The following CASP2 variants were observed in gnomAD, a reference collection of about 807,000 sequenced individuals.
The protein encoded by CASP2 is caspase 2, also known as caspase-2.
In CASP2, 38 loss-of-function variants were observed where a neutral mutation model predicts 54.4. That is an observed-to-expected ratio of 0.70 (90% CI 0.54 to 0.92). The LOEUF is 0.92. CASP2 is among the 40% of genes least tolerant of loss of function. The pLI, the probability that CASP2 is intolerant of heterozygous loss-of-function variation, is 0.00. For synonymous variants in CASP2, 215 were observed against 216.3 expected (o/e 0.99, Z 0.05); for missense variants, 512 against 579.6 (o/e 0.88, Z 1.20).
chr7:143,303,877 C>T lies in CASP2; in HGVS notation c.1061C>T (p.Pro354Leu), dbSNP rs145217184. ...EESDAGKEKL[P>L]KMRLPTRSDM... is the part of the protein sequence containing the mutation. ...AGTGATGCCGGTAAAGAAAAGTTGCCGAAGATGAGACTGCCCACGCGCTCA... is the reference window on the plus strand; with the variant it reads ...AGTGATGCCGGTAAAGAAAAGTTGCTGAAGATGAGACTGCCCACGCGCTCA... The change falls in exon 9 of 11, where the codon CCG becomes CTG. Residue 354 changes from proline to leucine, a missense_variant. Around this residue, in one of 3 missense-constraint regions of CASP2, gnomAD observed 417 missense variants for 495.4 expected, o/e 0.84. Coordinates refer to ENST00000310447, the MANE Select transcript of CASP2 (RefSeq NM_032982.4). 60 of 1,613,134 alleles carry T rather than the reference C, an allele frequency of 3.7e-5. No homozygotes were observed. Among genetic ancestry groups the T allele is most frequent in the Middle Eastern group, 1.6e-4 (1 of 6,082 alleles).
Position 143,305,164 on chromosome 7 carries a change from C to G in CASP2, c.*93C>G. On this transcript the variant is annotated 3_prime_UTR_variant, in exon 11 of 11. Coordinates refer to ENST00000310447, the MANE Select transcript of CASP2 (RefSeq NM_032982.4). ...ATCTTCAGGATGCACGGTTTCTGTT[C>G]TGCCCCCTCAGGGATGTGGGAATCT... 6.6e-7 allele frequency: 1 copy of G among 1,510,898 alleles called. No homozygotes were observed. The allele number at this position is 1,510,898 out of a possible 1,614,324, so 93.6% of individuals were successfully genotyped here.
intron 6 of CASP2, 38 bp from the exon 7 acceptor site, chr7:143,299,885 G>A (rs1055400752): frequency 1.2e-6 from 2 of 1,613,296 alleles, no homozygotes; most frequent in Admixed American, 3.3e-5. Flanking sequence ...TGTTGGTGCT[G>A]ACCTTAGTGC....
At chr7:143,297,740 C>G (rs1801798662) in intron 6 of CASP2, among the ~76,000 whole-genome samples, 1 of 152,244 alleles carries the variant, frequency 6.6e-6, no homozygotes, top group Non-Finnish European at 1.5e-5. Context: ...AGCCACCGCG[C>G]CCGGCCTTTG....
intron 8 of CASP2, chr7:143,303,314 A>G (rs1801972400): frequency 6.3e-6 from 1 of 158,476 alleles, no homozygotes; most frequent in Non-Finnish European, 1.4e-5. Context: ...TATAGCATAC[A>G]TATGGTAACC....
chr7:143,305,325 G>T lies in CASP2; in HGVS notation c.*254G>T, dbSNP rs892963891. On this transcript the variant is annotated 3_prime_UTR_variant, in exon 11 of 11. Transcript: ENST00000310447. ...TGCCAGGAATGTTTCAGCTGCAGTT[G>T]AAGAGCCTGACAAGTGAAGTTGTAA... 5.3e-6 allele frequency: 3 copies of T among 569,230 alleles called. No individual in the cohort carries two copies. Among genetic ancestry groups the T allele is most frequent in the Non-Finnish European group, 9.5e-6 (3 of 315,762 alleles). The allele number at this position is 569,230 out of a possible 1,614,324, so 35.3% of individuals were successfully genotyped here. A position where few individuals can be genotyped will look rare whatever the true frequency, so the allele number is the denominator to read the frequency against.
At chr7:143,304,039 C>G in intron 9 of CASP2, 106 bp downstream of exon 9, 1 of 1,135,958 alleles carries the variant, frequency 8.8e-7, no homozygotes. Flanking sequence ...AGTGTTGGAA[C>G]CAGAAGTGTT....
chr7:143,288,389 A>T lies in CASP2; in HGVS notation c.-67A>T, dbSNP rs534350622. ...GCGTCTGAGGGGAGGGATGTGGGGG[A>T]AGCGACGGCCCCCGGTTTGTTTGGG... On this transcript the variant is annotated 5_prime_UTR_variant, in exon 1 of 11. The change creates a premature stop within an existing upstream ORF in the 5' untranslated region. Coordinates refer to ENST00000310447, the MANE Select transcript of CASP2 (RefSeq NM_032982.4). The T allele has an allele frequency of 3.3e-6, 5 of 1,512,494 alleles. No homozygotes were observed. In the African/African-American group the frequency reaches 4.1e-5, roughly 12 times the overall value. The allele number at this position is 1,512,494 out of a possible 1,614,324, so 93.7% of individuals were successfully genotyped here.
In CASP2 at chr7:143,294,581, G is replaced by A. The variant is rs1381988431; in HGVS notation, c.571-16G>A. 6.2e-7 allele frequency: 1 copy of A among 1,612,506 alleles called. No individual in the cohort carries two copies. The highest frequency in any genetic ancestry group is 8.5e-7 in the Non-Finnish European group (1 of 1,178,862). ...TTATCAAGACGCTCATGGTCTAACTGGCCTCTCCTCCACAGGCATATAGGT... is the reference window on the plus strand; with the variant it reads ...TTATCAAGACGCTCATGGTCTAACTAGCCTCTCCTCCACAGGCATATAGGT... On this transcript the variant is annotated splice_polypyrimidine_tract_variant and intron_variant, in intron 5 of 10. Transcript: ENST00000310447.
chr7:143,299,932 G>C lies in CASP2; in HGVS notation c.757G>C (p.Glu253Gln). The C allele has an allele frequency of 6.2e-7, 1 of 1,614,168 alleles. No homozygotes were observed. Among genetic ancestry groups the C allele is most frequent in the Non-Finnish European group, 8.5e-7 (1 of 1,180,024 alleles). The change falls in exon 7 of 11, where the codon GAG becomes CAG. Residue 253 changes from glutamate to glutamine, a missense_variant. Transcript: ENST00000310447. ...CATTCCTTTCTTTTAGGAAATGCAAGAGAAACTGCAGAATTTTGCACAGTT... is the reference window on the plus strand; with the variant it reads ...CATTCCTTTCTTTTAGGAAATGCAACAGAAACTGCAGAATTTTGCACAGTT... ...LCDQTAQEMQ[E>Q]KLQNFAQLPA... is the part of the protein sequence containing the mutation.
At chr7:143,303,621 A>ATTTTT (rs368340000) in intron 8 of CASP2, 163 bp from the exon 9 acceptor site, 2 of 534,380 alleles carry the variant, frequency 3.7e-6, no homozygotes, top group South Asian at 2.1e-5. Context: ...GAGAGTAATA[A>ATTTTT]TTTTTTTTTT....
At chr7:143,292,158 A>AC in intron 2 of CASP2, 142 bp from the exon 3 acceptor site, 1 of 772,504 alleles carries the variant, frequency 1.3e-6, no homozygotes, top group South Asian at 1.5e-5. Flanking sequence ...ACTCAAGAAT[A>AC]ACAGAAAGGA....
intron 1 of CASP2, among the ~76,000 whole-genome samples, chr7:143,290,082 C>T (rs1383438337): frequency 4.9e-5 from 5 of 101,474 alleles, no homozygotes; most frequent in Admixed American, 4.0e-4. Flanking sequence ...TTTTTTTGGA[C>T]GGAGTCTTTG....
rs1261430957 is a variant in CASP2 at position 143,306,319 on chromosome 7, C to G, written c.*1248C>G. ...TCGCCCAGGCTGGAGGGCAGTGGCA[C>G]GATCTCAGCTCACTGCAAGCTCCAA... On this transcript the variant is annotated 3_prime_UTR_variant, in exon 11 of 11. Coordinates refer to ENST00000310447, the MANE Select transcript of CASP2 (RefSeq NM_032982.4). 7.0e-6 allele frequency: 1 copy of G among 143,228 alleles called. No individual in the cohort carries two copies. The highest frequency in any genetic ancestry group is 7.2e-5 in the Admixed American group (1 of 13,848). 8.9% of individuals were successfully genotyped at this position (143,228 alleles called of 1,614,324 possible).
intron 5 of CASP2, 35 bp from the exon 6 acceptor site, chr7:143,294,562 A>G (rs780327803): frequency 6.3e-7 from 1 of 1,597,894 alleles, no homozygotes; most frequent in Admixed American, 1.7e-5. Flanking sequence ...TCTGTTATCA[A>G]GACGCTCATG....
chr7:143,289,651 C>T, intron 1 of CASP2: 1 of 975,810 alleles, frequency 1.0e-6, no homozygotes, highest in Non-Finnish European at 1.2e-6. Context: ...ATCTGCTGCA[C>T]CACTGGTTAG....
chr7:143,296,059 A>G (rs1801736869), intron 6 of CASP2, among the ~76,000 whole-genome samples: 1 of 152,206 alleles, frequency 6.6e-6, no homozygotes, highest in African/African-American at 2.4e-5. Context: ...TTCAAGTTGT[A>G]TGCAGCTGAT....
At chr7:143,289,681 T>C (rs1801494403) in intron 1 of CASP2, 24 of 860,764 alleles carry the variant, frequency 2.8e-5, no homozygotes, top group South Asian at 1.1e-4. Context: ...TGCAGTGTTA[T>C]ATGTGATCGT....
intron 7 of CASP2, 70 bp downstream of exon 7, chr7:143,300,121 G>A (rs1801870269): frequency 2.5e-6 from 4 of 1,612,728 alleles, no homozygotes; most frequent in Admixed American, 3.3e-5. Flanking sequence ...TGTCTGTCAA[G>A]TGATGGCTAC....
chr7:143,299,822 T>C (rs1801862183), intron 6 of CASP2, 101 bp from the exon 7 acceptor site: 1 of 1,358,144 alleles, frequency 7.4e-7, no homozygotes, highest in African/African-American at 1.4e-5. Flanking sequence ...ACATAAAGCG[T>C]TTTATCTTCT....
Sources: gnomAD v4.1 joint callset for allele counts (sites outside exome capture counted in the v4.1 genomes callset) on GRCh38, gnomAD v4.1.1 for gene constraint, gnomAD v4.1.1 regional missense constraint, MANE v1.5 for transcripts, NCBI Gene and HGNC (gene_info 2026-07-23, HGNC 2026-07-21) for gene names.